The following EYS variants were observed in gnomAD, a reference collection of about 807,000 sequenced individuals.
EYS encodes EGF-like photoreceptor maintenance factor, also known as protein eyes shut homolog.
EYS carries 250 observed loss-of-function variants against 282.1 expected under a neutral mutation model. That is an observed-to-expected ratio of 0.89 (90% CI 0.80 to 0.98). The LOEUF (loss-of-function observed/expected upper bound fraction) is 0.98, where lower values mean the gene tolerates loss of function less well. Among genes scored for constraint, EYS ranks in the 50% least tolerant of loss-of-function variants. The pLI is 0.00. For missense variants in EYS, 4,016 were observed against 3,709.0 expected, an observed-to-expected ratio of 1.08 and a Z score of -2.15; for synonymous variants, 1,355 against 1,282.9, an observed-to-expected ratio of 1.06 and a Z score of -1.20.
At chr6:64,785,772 G>A (rs1773997110) in intron 22 of EYS, among the ~76,000 whole-genome samples, 1 of 152,116 alleles carries the variant, frequency 6.6e-6, no homozygotes, top group South Asian at 2.1e-4. Flanking sequence ...ATGATGTATT[G>A]TGCTAGTTGC....
intron 12 of EYS, among the ~76,000 whole-genome samples, chr6:65,110,676 A>G (rs1309133088): frequency 6.6e-6 from 1 of 152,076 alleles, no homozygotes; most frequent in Non-Finnish European, 1.5e-5. Flanking sequence ...TACATATTTT[A>G]AAAATGTGTA....
chr6:64,622,881 G>A (rs1198518454), intron 23 of EYS, among the ~76,000 whole-genome samples: 1 of 152,124 alleles, frequency 6.6e-6, no homozygotes, highest in Non-Finnish European at 1.5e-5. Flanking sequence ...CAGAGAAGTG[G>A]ACATGTGTAA....
At chr6:64,396,823 A>C (rs1773396113) in intron 28 of EYS, among the ~76,000 whole-genome samples, 1 of 152,074 alleles carries the variant, frequency 6.6e-6, no homozygotes, top group Non-Finnish European at 1.5e-5. Flanking sequence ...TTACTCTAAA[A>C]GTACAGTATT....
chr6:64,684,604 G>T (rs1770022775), intron 22 of EYS, among the ~76,000 whole-genome samples: 1 of 151,534 alleles, frequency 6.6e-6, no homozygotes, highest in East Asian at 1.9e-4. Context: ...TATATAGAGA[G>T]AGAGATATAT....
At chr6:65,403,035 CCAA>C (rs1353211244) in intron 6 of EYS, among the ~76,000 whole-genome samples, 1 of 152,030 alleles carries the variant, frequency 6.6e-6, no homozygotes, top group African/African-American at 2.4e-5. Context: ...AAGCTAACAG[CCAA>C]CATTTACTAC....
At chr6:64,173,798 G>GT (rs1764550258) in intron 31 of EYS, among the ~76,000 whole-genome samples, 1 of 152,014 alleles carries the variant, frequency 6.6e-6, no homozygotes, top group African/African-American at 2.4e-5. Flanking sequence ...TATGTAGAAT[G>GT]TTTTTGTCTC....
At chr6:63,973,061 G>T (rs895662669) in intron 35 of EYS, among the ~76,000 whole-genome samples, 3 of 151,952 alleles carry the variant, frequency 2.0e-5, no homozygotes, top group African/African-American at 7.3e-5. Flanking sequence ...AATCCTTTGG[G>T]TATATACCCA....
chr6:65,023,509 G>C (rs1772309857), intron 13 of EYS, among the ~76,000 whole-genome samples: 1 of 152,182 alleles, frequency 6.6e-6, no homozygotes, highest in Non-Finnish European at 1.5e-5. Context: ...GATAATTGTG[G>C]ATTTCCTGCC....
intron 11 of EYS, chr6:65,329,946 G>A (rs1769735463): frequency 1.0e-6 from 1 of 974,754 alleles, no homozygotes; most frequent in Non-Finnish European, 1.2e-6. Flanking sequence ...ATTATGTTTT[G>A]GATATATTTA....
At chr6:64,950,021 T>C (rs1377153535) in intron 14 of EYS, among the ~76,000 whole-genome samples, 2 of 151,908 alleles carry the variant, frequency 1.3e-5, no homozygotes, top group Non-Finnish European at 2.9e-5. Context: ...GGCTCAAACC[T>C]ATTCATCAAT....
At chr6:65,362,672 A>G (rs1039814725) in intron 8 of EYS, among the ~76,000 whole-genome samples, 2 of 151,784 alleles carry the variant, frequency 1.3e-5, no homozygotes, top group Non-Finnish European at 2.9e-5. Flanking sequence ...GTGCTTAAAG[A>G]TTTTCTTCTT....
intron 2 of EYS, among the ~76,000 whole-genome samples, chr6:65,547,604 T>C (rs966929245): frequency 6.6e-6 from 1 of 152,138 alleles, no homozygotes; most frequent in Non-Finnish European, 1.5e-5. Flanking sequence ...TATTATCTAA[T>C]ATGATAGGCA....
chr6:64,305,541 T>C (rs1769408165), intron 30 of EYS, among the ~76,000 whole-genome samples: 1 of 152,168 alleles, frequency 6.6e-6, no homozygotes, highest in Admixed American at 6.5e-5. Context: ...GACCAACATA[T>C]TGACTAATGG....
intron 36 of EYS, among the ~76,000 whole-genome samples, chr6:63,844,817 C>T (rs910161047): frequency 2.6e-5 from 4 of 152,048 alleles, no homozygotes; most frequent in Non-Finnish European, 5.9e-5. Flanking sequence ...GTTGCCTGTT[C>T]ACTCTGTTGA....
intron 14 of EYS, among the ~76,000 whole-genome samples, chr6:64,980,085 A>C (rs1220157228): frequency 6.6e-6 from 1 of 151,136 alleles, no homozygotes; most frequent in Non-Finnish European, 1.5e-5. Flanking sequence ...TTTTTAAAAG[A>C]AAAGGAAAGA....
intron 22 of EYS, among the ~76,000 whole-genome samples, chr6:64,640,043 A>G (rs868745771): frequency 1.4e-4 from 19 of 140,688 alleles, no homozygotes; most frequent in Middle Eastern, 7.1e-3. Flanking sequence ...TTAGAATGGC[A>G]ATCATTAAAA....
chr6:65,681,307 A>G (rs1275743922), intron 1 of EYS, among the ~76,000 whole-genome samples: 1 of 152,006 alleles, frequency 6.6e-6, no homozygotes, highest in African/African-American at 2.4e-5. Flanking sequence ...CTATCAGCCA[A>G]CTCATTAGCA....
intron 22 of EYS, among the ~76,000 whole-genome samples, chr6:64,692,601 G>A (rs1224431672): frequency 2.6e-5 from 4 of 151,946 alleles, no homozygotes; most frequent in Non-Finnish European, 4.4e-5. Context: ...TATATTTTGA[G>A]GTCTTACATT....
intron 12 of EYS, among the ~76,000 whole-genome samples, chr6:65,109,403 TTTTG>T (rs1308524610): frequency 1.3e-5 from 2 of 152,118 alleles, no homozygotes; most frequent in African/African-American, 2.4e-5. Flanking sequence ...TAGTAGAATT[TTTTG>T]TTTGTTTGTT....
Sources: gnomAD v4.1 joint callset for allele counts (sites outside exome capture counted in the v4.1 genomes callset) on GRCh38, gnomAD v4.1.1 for gene constraint, MANE v1.5 for transcripts, NCBI Gene and HGNC (gene_info 2026-07-23, HGNC 2026-07-21) for gene names.